Variants in REV3L observed in about 807,000 individuals in gnomAD.
The protein encoded by REV3L is REV3 like, DNA directed polymerase zeta catalytic subunit.
In REV3L, 69 loss-of-function variants were observed where a neutral mutation model predicts 299.4. The ratio of observed to expected loss-of-function variants is 0.23; its 90% CI spans 0.19 to 0.28. REV3L has a LOEUF of 0.28. REV3L is among the 10% of genes least tolerant of loss of function. The probability of loss-of-function intolerance (pLI) is 1.00; values close to 1 mark genes in which losing one functional copy is unlikely to be tolerated. For synonymous variants in REV3L, 1,238 were observed against 1,271.4 expected (o/e 0.97, Z 0.56); for missense variants, 3,128 against 3,693.8 (o/e 0.85, Z 3.97).
Position 111,416,480 on chromosome 6 carries a change from G to T in REV3L, c.140-8C>A. ...GAAGACATGTCTTCTGACCTAAAAT[G>T]TAACACATTATAAAGTTTAGTTTCC... On this transcript the variant is annotated splice_region_variant and splice_polypyrimidine_tract_variant and intron_variant, in intron 1 of 31. Transcript: ENST00000368802. 6.2e-7 allele frequency: 1 copy of T among 1,603,220 alleles called. No homozygotes were observed. Among genetic ancestry groups the T allele is most frequent in the South Asian group, 1.1e-5 (1 of 89,782 alleles).
chr6:111,408,747 C>T (rs1318815741), intron 3 of REV3L, among the ~76,000 whole-genome samples: 2 of 152,158 alleles, frequency 1.3e-5, no homozygotes, highest in South Asian at 2.1e-4. Flanking sequence ...TGCAGTGGTG[C>T]GATCTCAGCT....
intron 1 of REV3L, among the ~76,000 whole-genome samples, chr6:111,480,837 T>C (rs1488257336): frequency 2.8e-4 from 40 of 145,154 alleles, no homozygotes; most frequent in Admixed American, 1.3e-3. Flanking sequence ...TTTTCGTTTT[T>C]GTTTTTTTTT....
intron 1 of REV3L, among the ~76,000 whole-genome samples, chr6:111,435,876 T>C (rs1016716101): frequency 1.3e-5 from 2 of 152,114 alleles, no homozygotes; most frequent in East Asian, 1.9e-4. Context: ...AGACAATTCA[T>C]AAAATGGAAA....
chr6:111,314,701 G>C (rs1020777724), intron 27 of REV3L, among the ~76,000 whole-genome samples: 5 of 152,162 alleles, frequency 3.3e-5, no homozygotes, highest in Admixed American at 3.3e-4. Context: ...TCTGTGAGCA[G>C]AATGAAATGC....
chr6:111,463,165 A>G lies in REV3L; in HGVS notation c.139+19585T>C, dbSNP rs926509738. On this transcript the variant is annotated intron_variant, in intron 1 of 31. Coordinates refer to ENST00000368802, the MANE Select transcript of REV3L (RefSeq NM_001372078.1). Reference sequence around the variant, plus strand: ...AGGGAAGTCCAAAGCTGTTAACGGTATAAGTACCAGTATTTACAATTCATT... The same window carrying G: ...AGGGAAGTCCAAAGCTGTTAACGGTGTAAGTACCAGTATTTACAATTCATT... Among the ~76,000 whole-genome samples, 10 of 152,212 alleles carry G rather than the reference A, an allele frequency of 6.6e-5. 1 individual carries two copies. The highest frequency in any genetic ancestry group is 4.1e-4 in the South Asian group (2 of 4,834).
rs555712691 is a variant in REV3L at position 111,430,648 on chromosome 6, G to A, written c.140-14176C>T. Reference sequence around the variant, plus strand: ...GAGGACAGAGGCTGCTGGCCGAGAAGAGAGAGGACTCTGGAGATGCCAAAG... The same window carrying A: ...GAGGACAGAGGCTGCTGGCCGAGAAAAGAGAGGACTCTGGAGATGCCAAAG... On this transcript the variant is annotated intron_variant, in intron 1 of 31. Transcript: ENST00000368802. 1.1e-5 allele frequency: 17 copies of A among 1,522,666 alleles called. No homozygotes were observed. The East Asian group carries it at 3.8e-4, about 34-fold the overall frequency. The allele number at this position is 1,522,666 out of a possible 1,614,324, so 94.3% of individuals were successfully genotyped here.
chr6:111,450,658 T>TA (rs1459866999), intron 1 of REV3L, among the ~76,000 whole-genome samples: 1 of 151,978 alleles, frequency 6.6e-6, no homozygotes, highest in African/African-American at 2.4e-5. Context: ...AAAATGGTAC[T>TA]ACAAGAGCAA....
chr6:111,403,684 T>C (rs1027084941), intron 4 of REV3L, among the ~76,000 whole-genome samples: 2 of 152,338 alleles, frequency 1.3e-5, no homozygotes, highest in Non-Finnish European at 2.9e-5. Context: ...ACTACGATAT[T>C]GAAATTAGGC....
intron 30 of REV3L, chr6:111,308,368 G>A: frequency 4.9e-6 from 2 of 404,406 alleles, no homozygotes; most frequent in East Asian, 1.5e-4. Context: ...CAGGATATGT[G>A]CTCAGAACAC....
At chr6:111,464,078 C>G (rs1430955215) in intron 1 of REV3L, among the ~76,000 whole-genome samples, 1 of 151,204 alleles carries the variant, frequency 6.6e-6, no homozygotes, top group Non-Finnish European at 1.5e-5. Flanking sequence ...GGCTTGCATG[C>G]AATGTTCTGG....
At chr6:111,360,349 A>T (rs1405709158) in intron 16 of REV3L, among the ~76,000 whole-genome samples, 1 of 152,192 alleles carries the variant, frequency 6.6e-6, no homozygotes, top group Non-Finnish European at 1.5e-5. Context: ...CTTTGGGGGA[A>T]AGAAATTGCT....
intron 1 of REV3L, among the ~76,000 whole-genome samples, chr6:111,450,273 G>C (rs1789339084): frequency 6.6e-6 from 1 of 151,950 alleles, no homozygotes; most frequent in Non-Finnish European, 1.5e-5. Flanking sequence ...GAGGCCAGGA[G>C]TTAGAGCCCA....
chr6:111,431,493 G>T, intron 1 of REV3L: 1 of 978,112 alleles, frequency 1.0e-6, no homozygotes. Context: ...CAGGGAGCTA[G>T]CTCCAGGAAG....
intron 18 of REV3L, among the ~76,000 whole-genome samples, chr6:111,355,942 C>T (rs369428743): frequency 3.3e-5 from 5 of 152,014 alleles, no homozygotes; most frequent in Non-Finnish European, 5.9e-5. Flanking sequence ...CCTTCAGAGT[C>T]GTGGGTAGTA....
chr6:111,330,413 T>C (rs927059857), intron 24 of REV3L: 3 of 397,704 alleles, frequency 7.5e-6, no homozygotes, highest in East Asian at 7.4e-5. Flanking sequence ...AGAACTCCAG[T>C]AGGAATGAAA....
intron 11 of REV3L, among the ~76,000 whole-genome samples, chr6:111,379,463 AGACT>A (rs1780613440): frequency 6.6e-6 from 1 of 152,240 alleles, no homozygotes; most frequent in Non-Finnish European, 1.5e-5. Flanking sequence ...AAGTTCACAG[AGACT>A]GATTTAGAAA....
Position 111,381,353 on chromosome 6 carries a change from G to T in REV3L, c.1188C>A (p.Thr396=), listed in dbSNP as rs2115133351. The T allele has an allele frequency of 6.2e-7, 1 of 1,613,222 alleles. No homozygotes were observed. The highest frequency in any genetic ancestry group is 2.2e-5 in the East Asian group (1 of 44,762). Reference sequence around the variant, plus strand: ...AAACAGGTGACTCACTCAGTCTTTGGGTCAAAGGCTGAAAAGTCTGACTAT... The same window carrying T: ...AAACAGGTGACTCACTCAGTCTTTGTGTCAAAGGCTGAAAAGTCTGACTAT... ...MENSQTFQPL[T]QRLSESPVFM... Residue 396 remains threonine, a synonymous_variant, in exon 10 of 32, where the codon ACC becomes ACA. Transcript: ENST00000368802.
intron 1 of REV3L, chr6:111,431,364 C>A: frequency 1.0e-6 from 1 of 988,210 alleles, no homozygotes; most frequent in Non-Finnish European, 1.6e-6. Context: ...GACTCCAATA[C>A]TTCAAGACAG....
chr6:111,409,337 T>C (rs1205114361), intron 3 of REV3L, among the ~76,000 whole-genome samples: 1 of 151,048 alleles, frequency 6.6e-6, no homozygotes, highest in Non-Finnish European at 1.5e-5. Flanking sequence ...CATGTCCTAA[T>C]GGATATTCTA....
Sources: allele counts gnomAD v4.1 joint callset (sites outside exome capture counted in the v4.1 genomes callset), GRCh38; gene constraint gnomAD v4.1.1; transcripts MANE v1.5; gene names NCBI Gene and HGNC (gene_info 2026-07-23, HGNC 2026-07-21).